RUFY4: variants seen among roughly 807,000 people sequenced by gnomAD.
The protein encoded by RUFY4 is RUN and FYVE domain containing 4, also known as RUN and FYVE domain-containing protein 4.
A neutral mutation model predicts 69.0 loss-of-function variants in RUFY4; 73 were observed. That is an observed-to-expected ratio of 1.06 (90% CI 0.88 to 1.29). The LOEUF is 1.29. RUFY4 is among the 50% of genes most tolerant of loss of function. The pLI is 0.00. For missense variants in RUFY4, 770 were observed against 705.6 expected (o/e 1.09, Z -1.03); for synonymous variants, 287 against 271.8 (o/e 1.06, Z -0.55).
At chr2:218,075,563 A>G in exon 7 of RUFY4, 4 of 1,528,600 alleles carry the variant, frequency 2.6e-6, no homozygotes, top group South Asian at 1.3e-5. Flanking sequence ...TAGAGGGAGC[A>G]GTATCAGGGA....
At chr2:218,064,441 G>A (rs116397121), upstream of RUFY4, among the ~76,000 whole-genome samples, 1,446 of 152,216 alleles carry the variant, frequency 9.5e-3, 32 homozygotes, top group African/African-American at 0.033. Context: ...GATCCCATTC[G>A]GGGCTCTCCC....
At chr2:218,039,914 A>T (rs1959037373) in intron 2 of RUFY4, among the ~76,000 whole-genome samples, 1 of 152,182 alleles carries the variant, frequency 6.6e-6, no homozygotes, top group Non-Finnish European at 1.5e-5. Flanking sequence ...GTAAGTAAAG[A>T]TTGTGTGCCT....
intron 2 of RUFY4, among the ~76,000 whole-genome samples, chr2:218,041,133 ATGTCTCCCTCAATACAT>A (rs997677098): frequency 6.6e-6 from 1 of 151,834 alleles, no homozygotes; most frequent in African/African-American, 2.4e-5. Context: ...ATCAGTCCCA[ATGTCTCCCTCAATACAT>A]TCACATTCAT....
At chr2:218,080,998 T>C (rs1356185955) in intron 8 of RUFY4, among the ~76,000 whole-genome samples, 1 of 152,258 alleles carries the variant, frequency 6.6e-6, no homozygotes, top group African/African-American at 2.4e-5. Flanking sequence ...CTCCTAACAT[T>C]GTGAAAACTA....
chr2:218,042,215 G>T (rs1296680777), intron 2 of RUFY4, among the ~76,000 whole-genome samples: 1 of 152,208 alleles, frequency 6.6e-6, no homozygotes, highest in Admixed American at 6.5e-5. Context: ...ATTCCCTGGA[G>T]CAAAGTTTCC....
rs1227201392 is a variant in RUFY4 at position 218,073,740 on chromosome 2, T to C, written c.531-76T>C. ...TGGGATGAATGCGCTAGTGGAAAGA[T>C]GGGATACCCTCCATCTGAGGACCAA... is the stretch of plus-strand genomic sequence containing the variant. On this transcript the variant is annotated intron_variant, in intron 5 of 10. Coordinates refer to ENST00000344321, the Ensembl canonical transcript of RUFY4. 4 of 1,519,774 alleles carry C rather than the reference T, an allele frequency of 2.6e-6. No homozygotes were observed. In the East Asian group the frequency reaches 6.8e-5, roughly 26 times the overall value. 94.1% of individuals were successfully genotyped at this position (1,519,774 alleles called of 1,614,324 possible). A position where few individuals can be genotyped will look rare whatever the true frequency, so the allele number is the denominator to read the frequency against.
upstream of RUFY4, among the ~76,000 whole-genome samples, chr2:218,064,589 C>T (rs1689277609): frequency 6.6e-6 from 1 of 152,188 alleles, no homozygotes; most frequent in Non-Finnish European, 1.5e-5. Context: ...ACAGGAGTGG[C>T]CACCAGCTGG....
intron 2 of RUFY4, among the ~76,000 whole-genome samples, chr2:218,041,369 G>A (rs1471437894): frequency 6.6e-6 from 1 of 152,202 alleles, no homozygotes; most frequent in African/African-American, 2.4e-5. Flanking sequence ...TGTAGATCAA[G>A]TTGGAGAAAA....
At chr2:218,082,358 A>G (rs1445767386) in intron 8 of RUFY4, among the ~76,000 whole-genome samples, 1 of 148,362 alleles carries the variant, frequency 6.7e-6, no homozygotes, top group Non-Finnish European at 1.5e-5. Flanking sequence ...CCGACCATCC[A>G]GCCTGGGTTC....
At chr2:218,075,097 C>A in exon 7 of RUFY4, 1 of 1,523,534 alleles carries the variant, frequency 6.6e-7, no homozygotes, top group East Asian at 2.4e-5. Context: ...CCACAGATCC[C>A]AGCCGCATAT....
intron 2 of RUFY4, among the ~76,000 whole-genome samples, chr2:218,054,385 A>G (rs1483192400): frequency 1.3e-5 from 2 of 151,772 alleles, no homozygotes; most frequent in African/African-American, 4.8e-5. Context: ...CAAAACCCCA[A>G]CTCTACTGAA....
chr2:218,075,831 C>T, intron 7 of RUFY4, 91 bp downstream of exon 9: 6 of 1,254,518 alleles, frequency 4.8e-6, no homozygotes, highest in Non-Finnish European at 6.2e-6. Flanking sequence ...GGGACCATTC[C>T]CTCCCACGGG....
intron 3 of RUFY4, chr2:218,061,011 A>G (rs751376569): frequency 1.3e-6 from 1 of 745,180 alleles, no homozygotes; most frequent in Non-Finnish European, 2.5e-6. Flanking sequence ...GCGGCAGGCC[A>G]GTAGTAGAAT....
At chr2:218,073,992 A>AC (rs1689560843) in intron 6 of RUFY4, 107 bp downstream of exon 8, 1 of 1,102,182 alleles carries the variant, frequency 9.1e-7, no homozygotes, top group African/African-American at 1.6e-5. Flanking sequence ...GAGAGCCCTG[A>AC]CCCTACAGGA....
In RUFY4 at chr2:218,070,799, A is replaced by G. The variant is rs369849243; in HGVS notation, c.93A>G (p.Pro31=). 27 of 1,537,136 alleles carry G rather than the reference A, an allele frequency of 1.8e-5. No homozygotes were observed. In the African/African-American group the frequency reaches 3.1e-4, roughly 18 times the overall value. ...AGGGCTATGGGGATGGGCAGGGGCCAGTGACGGACACCAGTGCCGAGCTGC... is the reference window on the plus strand; with the variant it reads ...AGGGCTATGGGGATGGGCAGGGGCCGGTGACGGACACCAGTGCCGAGCTGC... Residue 31 remains proline, a synonymous_variant, in exon 2 of 11, where the codon CCA becomes CCG. Coordinates refer to ENST00000344321, the Ensembl canonical transcript of RUFY4.
At chr2:218,073,314 C>T in exon 5 of RUFY4, 2 of 1,568,226 alleles carry the variant, frequency 1.3e-6, no homozygotes, top group East Asian at 2.4e-5. Context: ...TCTCTCTATG[C>T]TCTCAATGGG....
At chr2:218,075,942 C>T (rs1040467563) in intron 7 of RUFY4, among the ~76,000 whole-genome samples, 11 of 152,044 alleles carry the variant, frequency 7.2e-5, no homozygotes, top group African/African-American at 1.9e-4. Context: ...TATTGCCCCA[C>T]GCTAGACCCA....
chr2:218,090,492 G>T lies in RUFY4; in HGVS notation c.*438G>T, dbSNP rs552572290. On this transcript the variant is annotated 3_prime_UTR_variant, in exon 11 of 11. Transcript: ENST00000344321. ...ACTCTCCAGCAGCTTCCTGTCTGGA[G>T]TCAGCTTCAGGGATCTGTGTTTGTG... The T allele has an allele frequency of 6.4e-5, 11 of 170,998 alleles. No homozygotes were observed. The East Asian group carries it at 1.6e-3, about 25-fold the overall frequency. The allele number at this position is 170,998 out of a possible 1,614,324, so 10.6% of individuals were successfully genotyped here.
At chr2:218,084,293 G>A (rs997529695) in intron 9 of RUFY4, among the ~76,000 whole-genome samples, 5 of 151,468 alleles carry the variant, frequency 3.3e-5, no homozygotes, top group South Asian at 4.2e-4. Flanking sequence ...GTGCAGTGGC[G>A]CCATCTCAGC....
Sources: allele counts gnomAD v4.1 joint callset (sites outside exome capture counted in the v4.1 genomes callset), GRCh38; gene constraint gnomAD v4.1.1; transcripts MANE v1.5; gene names NCBI Gene and HGNC (gene_info 2026-07-23, HGNC 2026-07-21).